Variants in CIROZ observed in about 807,000 individuals in gnomAD.
The protein encoded by CIROZ is ciliated left-right organizer protein containing ZP-N domains.
At chr1:10,952,175 A>G in the CIROZ span, among the ~76,000 whole-genome samples, 2 of 152,086 alleles carry the variant, frequency 1.3e-5, no homozygotes, top group African/African-American at 4.8e-5. Context: ...CATGCACCAT[A>G]ACTATAATAA....
chr1:10,953,962 G>A, the CIROZ span: 2 of 1,558,254 alleles, frequency 1.3e-6, no homozygotes, highest in Non-Finnish European at 8.7e-7. Flanking sequence ...AAGGAAAGAG[G>A]GTTTGTGTGG....
the CIROZ span, chr1:10,947,665 A>G: frequency 2.7e-5 from 40 of 1,490,458 alleles, 1 homozygote; most frequent in Non-Finnish European, 3.5e-5. Context: ...ATGGAGGCTC[A>G]GCGTGAGGGC....
chr1:10,977,582 G>A, the CIROZ span, among the ~76,000 whole-genome samples: 1 of 152,180 alleles, frequency 6.6e-6, no homozygotes, highest in Non-Finnish European at 1.5e-5. Flanking sequence ...CCAGTTCAAA[G>A]GAGAAGAAAG....
chr1:10,965,820 CAAAA>C, the CIROZ span, among the ~76,000 whole-genome samples: 12 of 107,132 alleles, frequency 1.1e-4, no homozygotes, highest in East Asian at 5.1e-4. Context: ...GAGCCTCCGT[CAAAA>C]AAAAAAAAAA....
chr1:10,965,701 T>G, the CIROZ span, among the ~76,000 whole-genome samples: 6 of 151,696 alleles, frequency 4.0e-5, no homozygotes, highest in African/African-American at 1.5e-4. Context: ...CTTTACCAAG[T>G]AGTCTCAGCT....
the CIROZ span, among the ~76,000 whole-genome samples, chr1:10,959,342 G>A: frequency 5.3e-5 from 8 of 152,050 alleles, no homozygotes; most frequent in Non-Finnish European, 1.0e-4. The surrounding 1 kb of genome is among the most constrained non-coding windows in gnomAD (Gnocchi z 4.3). Context: ...TTCTCGTACC[G>A]CGCCTGAGTC....
At chr1:10,965,119 G>T in the CIROZ span, among the ~76,000 whole-genome samples, 2 of 152,050 alleles carry the variant, frequency 1.3e-5, no homozygotes, top group African/African-American at 4.8e-5. Context: ...CCCCTCCCAG[G>T]CTGCCCTCAT....
the CIROZ span, chr1:10,953,914 G>T: frequency 6.9e-7 from 1 of 1,456,208 alleles, no homozygotes; most frequent in Non-Finnish European, 9.1e-7. Flanking sequence ...CGGGTCCAGG[G>T]AGTGAAACAT....
chr1:10,964,121 C>CCATTACCT, the CIROZ span: 3 of 1,613,482 alleles, frequency 1.9e-6, no homozygotes. Context: ...CCCCCCGAAC[C>CCATTACCT]CATTACCTGG....
At chr1:10,981,959 G>A in the CIROZ span, 66 of 1,532,832 alleles carry the variant, frequency 4.3e-5, no homozygotes, top group Non-Finnish European at 5.5e-5. Context: ...AGGAGTGTGG[G>A]CACACTAAGC....
chr1:10,948,497 A>G, the CIROZ span: 66 of 1,614,144 alleles, frequency 4.1e-5, no homozygotes, highest in East Asian at 1.4e-3. Context: ...CAGGCCTCAC[A>G]GTTCCTAGAC....
the CIROZ span, among the ~76,000 whole-genome samples, chr1:10,979,117 G>C: frequency 1.3e-5 from 2 of 152,088 alleles, no homozygotes; most frequent in African/African-American, 4.8e-5. Flanking sequence ...TCAGCCTCCT[G>C]AGTAGCTAGG....
At chr1:10,954,111 G>A in the CIROZ span, 2 of 1,613,230 alleles carry the variant, frequency 1.2e-6, no homozygotes, top group Non-Finnish European at 1.7e-6. Context: ...GAAAGCTTGT[G>A]TTCCCGGGGT....
the CIROZ span, chr1:10,948,313 G>A: frequency 2.4e-5 from 39 of 1,613,626 alleles, no homozygotes; most frequent in Middle Eastern, 1.6e-4. Context: ...CCGGGAGAAC[G>A]GTGAGAAACC....
the CIROZ span, among the ~76,000 whole-genome samples, chr1:10,979,704 C>T: frequency 6.6e-6 from 1 of 152,126 alleles, no homozygotes; most frequent in South Asian, 2.1e-4. Flanking sequence ...TAGAATGGAC[C>T]CATTGTGGTC....
chr1:10,977,059 T>C, the CIROZ span, among the ~76,000 whole-genome samples: 1 of 152,050 alleles, frequency 6.6e-6, no homozygotes, highest in East Asian at 1.9e-4. Context: ...CTCAGGAGGC[T>C]GAGGTGGGAG....
the CIROZ span, among the ~76,000 whole-genome samples, chr1:10,952,455 A>G: frequency 6.6e-6 from 1 of 152,090 alleles, no homozygotes; most frequent in African/African-American, 2.4e-5. Flanking sequence ...TAGGATAAAG[A>G]TCACCTACTC....
the CIROZ span, among the ~76,000 whole-genome samples, chr1:10,978,112 T>A: frequency 1.0e-4 from 15 of 149,012 alleles, no homozygotes; most frequent in Admixed American, 9.5e-4. Flanking sequence ...GAAGTCGCAG[T>A]GAGCTGAGAG....
At chr1:10,960,583 CT>C in the CIROZ span, among the ~76,000 whole-genome samples, 4 of 152,380 alleles carry the variant, frequency 2.6e-5, no homozygotes, top group South Asian at 6.2e-4. The surrounding 1 kb of genome is among the most constrained non-coding windows in gnomAD (Gnocchi z 4.6). Flanking sequence ...ACGGGTGCCC[CT>C]GGGCACACTT....
Sources: allele counts gnomAD v4.1 joint callset (sites outside exome capture counted in the v4.1 genomes callset), GRCh38; gene constraint gnomAD v4.1.1; non-coding constraint Gnocchi (gnomAD v3.1); transcripts MANE v1.5; gene names NCBI Gene and HGNC (gene_info 2026-07-23, HGNC 2026-07-21).